The following XPR1 variants were observed in gnomAD, a reference collection of about 807,000 sequenced individuals.
XPR1 encodes the protein xenotropic and polytropic retrovirus receptor 1, also known as solute carrier family 53 member 1.
Under a neutral mutation model 87.5 loss-of-function variants are expected in XPR1, and 28 were observed. The observed-to-expected ratio is 0.32, with a 90% CI of 0.24 to 0.44. The LOEUF (loss-of-function observed/expected upper bound fraction) is 0.44. XPR1 is among the 20% of genes least tolerant of loss of function. The pLI is 1.00. For missense variants in XPR1, 559 were observed against 862.3 expected (o/e 0.65, Z 4.41); for synonymous variants, 300 against 306.1 (o/e 0.98, Z 0.21).
At position 180,646,017 on chromosome 1, in the gene XPR1, T is replaced by G. The variant is rs556152298; in HGVS notation, c.69+13747T>G. Among the ~76,000 whole-genome samples the G allele has an allele frequency of 1.2e-4, 18 of 152,376 alleles. No individual in the cohort carries two copies. In the East Asian group the frequency reaches 3.5e-3, roughly 29 times the overall value. On this transcript the variant is annotated intron_variant, in intron 1 of 14. Transcript: ENST00000367590. ...CAAAAGTGCACATAATATATCCTTA[T>G]GTATATTCTCCTGAAAACATGTAAC...
chr1:180,704,277 T>TATATATATATATATATATA (rs59197475), intron 2 of XPR1, among the ~76,000 whole-genome samples: 44 of 136,112 alleles, frequency 3.2e-4, no homozygotes, highest in Non-Finnish European at 3.9e-4. Flanking sequence ...TATATATATA[T>TATATATATATATATATATA]TATCAGATTA....
chr1:180,674,400 A>G (rs1048521097), intron 1 of XPR1, among the ~76,000 whole-genome samples: 2 of 152,122 alleles, frequency 1.3e-5, no homozygotes, highest in Non-Finnish European at 2.9e-5. Flanking sequence ...CTGGGATTAC[A>G]GGCGCCTGCC....
chr1:180,653,208 AACCTGTACAGGGTTAGCTTT>A (rs1027859534), intron 1 of XPR1, among the ~76,000 whole-genome samples: 2 of 152,192 alleles, frequency 1.3e-5, no homozygotes, highest in African/African-American at 2.4e-5. Flanking sequence ...ATACAAGGCT[AACCTGTACAGGGTTAGCTTT>A]ACCTGTACAG....
intron 2 of XPR1, among the ~76,000 whole-genome samples, chr1:180,717,662 T>C (rs1329655738): frequency 6.6e-6 from 1 of 152,206 alleles, no homozygotes; most frequent in Non-Finnish European, 1.5e-5. Context: ...AACTTCTGGC[T>C]AAGAATGATG....
At chr1:180,705,327 AAAT>A (rs1657521770) in intron 2 of XPR1, among the ~76,000 whole-genome samples, 1 of 152,188 alleles carries the variant, frequency 6.6e-6, no homozygotes, top group Non-Finnish European at 1.5e-5. Flanking sequence ...GCAATCAGTG[AAAT>A]TGGAAAAGGA....
chr1:180,707,735 G>A (rs1657606539), intron 2 of XPR1, among the ~76,000 whole-genome samples: 1 of 152,128 alleles, frequency 6.6e-6, no homozygotes, highest in South Asian at 2.1e-4. Context: ...GAGAAGTGTT[G>A]TTTGTTGTAA....
At chr1:180,859,009 G>A (rs1193462451) in intron 11 of XPR1, among the ~76,000 whole-genome samples, 2 of 946 alleles carry the variant, frequency 2.1e-3, no homozygotes, top group Admixed American at 0.013. Context: ...ACCTTTATAG[G>A]TTTGGGCTTT....
chr1:180,783,552 A>G (rs1157187667), intron 2 of XPR1, among the ~76,000 whole-genome samples: 1 of 152,046 alleles, frequency 6.6e-6, no homozygotes, highest in African/African-American at 2.4e-5. Flanking sequence ...GAATGTACAT[A>G]TGAATATTAA....
intron 1 of XPR1, among the ~76,000 whole-genome samples, chr1:180,641,749 T>C (rs926475691): frequency 1.3e-5 from 2 of 152,196 alleles, no homozygotes; most frequent in Admixed American, 6.5e-5. Flanking sequence ...CCCCTCTGTT[T>C]TACAAATGAA....
intron 2 of XPR1, among the ~76,000 whole-genome samples, chr1:180,711,572 C>T (rs1447378639): frequency 6.6e-6 from 1 of 151,464 alleles, no homozygotes; most frequent in East Asian, 1.9e-4. Context: ...CAGTACAGTC[C>T]AGCTTGGGCT....
chr1:180,773,961 A>T (rs940691075), intron 2 of XPR1, among the ~76,000 whole-genome samples: 78 of 152,158 alleles, frequency 5.1e-4, no homozygotes, highest in African/African-American at 1.8e-3. Context: ...AACTTTTTTT[A>T]AAAATTGCAT....
chr1:180,796,820 G>A (rs547894725), intron 3 of XPR1, among the ~76,000 whole-genome samples: 1 of 152,160 alleles, frequency 6.6e-6, no homozygotes, highest in Non-Finnish European at 1.5e-5. Context: ...ATACTATTTG[G>A]CAATAAAAGG....
intron 3 of XPR1, among the ~76,000 whole-genome samples, chr1:180,798,014 T>C (rs1649647292): frequency 6.6e-6 from 1 of 152,130 alleles, no homozygotes; most frequent in Admixed American, 6.5e-5. Context: ...TGAGATTCAT[T>C]TTCTGTTGAC....
At chr1:180,777,997 T>G (rs1420549308) in intron 2 of XPR1, among the ~76,000 whole-genome samples, 1 of 152,134 alleles carries the variant, frequency 6.6e-6, no homozygotes, top group Non-Finnish European at 1.5e-5. Context: ...TTAATTTTAT[T>G]TTTTGAGACA....
chr1:180,804,709 C>G (rs1463899029), intron 4 of XPR1, among the ~76,000 whole-genome samples: 3 of 152,000 alleles, frequency 2.0e-5, no homozygotes, highest in African/African-American at 7.2e-5. Flanking sequence ...TTCTATAATT[C>G]TACTTTGTTC....
chr1:180,748,400 C>CTTTTTTTTTTTTTTTTTTTTTTTTT lies in XPR1; in HGVS notation c.122-39342_122-39318dup, dbSNP rs71297873. Reference sequence around the variant, plus strand: ...TGCTACTCTGTGTTATTATTTATGTCTTTTTTTTTTTTTTTTTTTTTTTTT... The same window carrying CTTTTTTTTTTTTTTTTTTTTTTTTT: ...TGCTACTCTGTGTTATTATTTATGTCTTTTTTTTTTTTTTTTTTTTTTTTTTTTTTTTTTTTTTTTTTTTTTTTTT... On this transcript the variant is annotated intron_variant, in intron 2 of 14. Coordinates refer to ENST00000367590, the MANE Select transcript of XPR1 (RefSeq NM_004736.4). Among the ~76,000 whole-genome samples, 23 of 29,680 alleles carry CTTTTTTTTTTTTTTTTTTTTTTTTT rather than the reference C, an allele frequency of 7.7e-4. 5 individuals carry two copies. The highest frequency in any genetic ancestry group is 1.0e-3 in the Non-Finnish European group (14 of 14,022). 19.5% of individuals were successfully genotyped at this position (29,680 alleles called of 152,430 possible).
intron 2 of XPR1, among the ~76,000 whole-genome samples, chr1:180,710,819 T>C (rs10753222): frequency 0.88 from 129,942 of 147,274 alleles, 57,537 homozygotes; most frequent in East Asian, 0.99. Flanking sequence ...GGCGGCTGGC[T>C]GGGCGGGGGC....
At chr1:180,692,164 C>T (rs1426275119) in intron 2 of XPR1, among the ~76,000 whole-genome samples, 1 of 152,030 alleles carries the variant, frequency 6.6e-6, no homozygotes, top group Non-Finnish European at 1.5e-5. Flanking sequence ...AGTAGCTTTT[C>T]TAAGTTCCAT....
chr1:180,783,427 G>A (rs1469026576), intron 2 of XPR1, among the ~76,000 whole-genome samples: 1 of 151,652 alleles, frequency 6.6e-6, no homozygotes. Flanking sequence ...ATTTTGATGG[G>A]TTCAAACAAT....
Sources: allele counts gnomAD v4.1 joint callset (sites outside exome capture counted in the v4.1 genomes callset), GRCh38; gene constraint gnomAD v4.1.1; transcripts MANE v1.5; gene names NCBI Gene and HGNC (gene_info 2026-07-23, HGNC 2026-07-21).